EYS: variants seen among roughly 807,000 people sequenced by gnomAD.
EYS encodes protein eyes shut homolog.
In EYS, 250 loss-of-function variants were observed where a neutral mutation model predicts 282.1. The ratio of observed to expected loss-of-function variants is 0.89; its 90% CI spans 0.80 to 0.98. The LOEUF (loss-of-function observed/expected upper bound fraction) is 0.98. EYS is among the 50% of genes least tolerant of loss of function. The probability of loss-of-function intolerance (pLI) is 0.00; values close to 1 mark genes in which losing one functional copy is unlikely to be tolerated. For missense variants in EYS, 4,016 were observed against 3,709.0 expected (o/e 1.08, Z -2.15); for synonymous variants, 1,355 against 1,282.9 (o/e 1.06, Z -1.20).
At chr6:65,069,754 T>G (rs1773852579) in intron 12 of EYS, among the ~76,000 whole-genome samples, 1 of 151,958 alleles carries the variant, frequency 6.6e-6, no homozygotes, top group African/African-American at 2.4e-5. Flanking sequence ...GACTCCAAGT[T>G]TACATCCTTA....
At chr6:64,876,399 A>G (rs995169368) in intron 19 of EYS, among the ~76,000 whole-genome samples, 6 of 152,154 alleles carry the variant, frequency 3.9e-5, no homozygotes, top group African/African-American at 1.4e-4. Context: ...AAGCAGTTAC[A>G]TGTGTTAACA....
chr6:65,003,999 CCTT>C (rs1027079111), intron 13 of EYS, among the ~76,000 whole-genome samples: 1 of 146,872 alleles, frequency 6.8e-6, no homozygotes, highest in African/African-American at 2.4e-5. Context: ...TTCCCTCTTT[CCTT>C]CTTTTCTTCC....
chr6:64,017,728 G>T (rs1171736085), intron 33 of EYS, among the ~76,000 whole-genome samples: 1 of 152,156 alleles, frequency 6.6e-6, no homozygotes, highest in South Asian at 2.1e-4. Context: ...TGTGTGAAAG[G>T]TTCATCCTTT....
chr6:64,010,159 G>A (rs1768541680), intron 33 of EYS, among the ~76,000 whole-genome samples: 1 of 152,218 alleles, frequency 6.6e-6, no homozygotes, highest in Non-Finnish European at 1.5e-5. Flanking sequence ...CCGCTGGCCA[G>A]AACGCTCCGG....
chr6:64,973,524 G>C (rs1478382543), intron 14 of EYS, among the ~76,000 whole-genome samples: 2 of 151,928 alleles, frequency 1.3e-5, no homozygotes, highest in Non-Finnish European at 2.9e-5. Flanking sequence ...CTCTCTCTAA[G>C]AGTCCCAAAG....
intron 13 of EYS, among the ~76,000 whole-genome samples, chr6:64,998,564 C>A (rs1771355000): frequency 6.6e-6 from 1 of 152,114 alleles, no homozygotes; most frequent in Admixed American, 6.5e-5. Flanking sequence ...CTAAGGAGAA[C>A]AGGGCAGTCA....
chr6:64,206,472 T>C (rs1765610435), intron 31 of EYS, among the ~76,000 whole-genome samples: 1 of 152,250 alleles, frequency 6.6e-6, no homozygotes, highest in Non-Finnish European at 1.5e-5. Flanking sequence ...TTAAAGTTGC[T>C]AGATCAGTGG....
chr6:65,582,803 A>T (rs1764914752), intron 2 of EYS, among the ~76,000 whole-genome samples: 1 of 152,170 alleles, frequency 6.6e-6, no homozygotes, highest in Admixed American at 6.6e-5. Context: ...AATAAGTGAC[A>T]AAGAAATACA....
chr6:64,195,502 C>T (rs780863288), intron 31 of EYS, among the ~76,000 whole-genome samples: 12 of 152,086 alleles, frequency 7.9e-5, no homozygotes, highest in East Asian at 1.9e-4. Context: ...GGGGTTTCAC[C>T]ATATTGGCCA....
At chr6:65,209,367 T>C (rs921354905) in intron 12 of EYS, among the ~76,000 whole-genome samples, 1 of 151,382 alleles carries the variant, frequency 6.6e-6, no homozygotes, top group African/African-American at 2.4e-5. Context: ...AAAGAAAAAA[T>C]ATGTGAGAAT....
chr6:65,347,885 C>T (rs1023396024), intron 9 of EYS, among the ~76,000 whole-genome samples: 2 of 151,258 alleles, frequency 1.3e-5, no homozygotes, highest in African/African-American at 4.8e-5. Context: ...CCTCACTATC[C>T]TTCCAAACCT....
intron 31 of EYS, among the ~76,000 whole-genome samples, chr6:64,104,877 C>T (rs1361014409): frequency 1.3e-5 from 2 of 151,678 alleles, no homozygotes; most frequent in Admixed American, 1.3e-4. Context: ...CATCAACAGC[C>T]TTTTAAGTCA....
chr6:64,522,894 A>T (rs2150526645), intron 26 of EYS, among the ~76,000 whole-genome samples: 1 of 151,908 alleles, frequency 6.6e-6, no homozygotes, highest in African/African-American at 2.4e-5. Flanking sequence ...ATGAAAAGAA[A>T]ATAGCTCAGT....
chr6:65,635,616 T>C (rs530926942), intron 2 of EYS, among the ~76,000 whole-genome samples: 1 of 152,280 alleles, frequency 6.6e-6, no homozygotes, highest in Admixed American at 6.5e-5. Context: ...ACCCATTCAA[T>C]ATAAAATTTA....
chr6:65,493,096 G>A (rs1766108004), intron 4 of EYS, among the ~76,000 whole-genome samples: 1 of 151,930 alleles, frequency 6.6e-6, no homozygotes, highest in African/African-American at 2.4e-5. Flanking sequence ...TTGTATTTTT[G>A]TAGAGACGGG....
chr6:65,532,014 A>T (rs960237721), intron 2 of EYS, among the ~76,000 whole-genome samples: 1 of 152,150 alleles, frequency 6.6e-6, no homozygotes, highest in Non-Finnish European at 1.5e-5. Flanking sequence ...TTATAATTAT[A>T]CTAGGCACTT....
intron 30 of EYS, among the ~76,000 whole-genome samples, chr6:64,258,879 T>C (rs1454099648): frequency 7.2e-5 from 11 of 152,054 alleles, no homozygotes; most frequent in Admixed American, 7.2e-4. Flanking sequence ...ATCAGTACTT[T>C]TGTCAGCCAA....
At chr6:64,727,958 A>C (rs115962249) in intron 22 of EYS, among the ~76,000 whole-genome samples, 1,701 of 152,236 alleles carry the variant, frequency 0.011, 37 homozygotes, top group African/African-American at 0.038. Context: ...TGAAACCACT[A>C]CTGAAGCAGG....
intron 12 of EYS, among the ~76,000 whole-genome samples, chr6:65,289,802 T>C (rs1439341132): frequency 7.3e-5 from 11 of 151,100 alleles, no homozygotes; most frequent in Non-Finnish European, 1.6e-4. Context: ...AGAAATTCTC[T>C]ACAATTGGAA....
Sources: gnomAD v4.1 joint callset for allele counts (sites outside exome capture counted in the v4.1 genomes callset) on GRCh38, gnomAD v4.1.1 for gene constraint, MANE v1.5 for transcripts, NCBI Gene and HGNC (gene_info 2026-07-23, HGNC 2026-07-21) for gene names.